The following PTPRK variants were observed in gnomAD, a reference collection of about 807,000 sequenced individuals.
The protein encoded by PTPRK is protein tyrosine phosphatase receptor type K, also known as receptor-type tyrosine-protein phosphatase kappa.
In PTPRK, 75 loss-of-function variants were observed where a neutral mutation model predicts 178.0. That is an observed-to-expected ratio of 0.42 (90% CI 0.35 to 0.51). The LOEUF (loss-of-function observed/expected upper bound fraction) is 0.51. Ranked by LOEUF, PTPRK falls within the 20% of genes least tolerant of loss-of-function variation. The pLI is 0.02. For synonymous variants in PTPRK, 637 were observed against 620.6 expected (o/e 1.03, Z -0.39); for missense variants, 1,441 against 1,797.8 (o/e 0.80, Z 3.59).
chr6:127,988,386 C>T (rs564683847), intron 21 of PTPRK, among the ~76,000 whole-genome samples: 53 of 150,952 alleles, frequency 3.5e-4, no homozygotes, highest in Non-Finnish European at 6.8e-4. Context: ...TCACTGCAAC[C>T]TCTGCTTTCC....
At chr6:128,281,342 A>T (rs1197531954) in intron 3 of PTPRK, among the ~76,000 whole-genome samples, 1 of 152,210 alleles carries the variant, frequency 6.6e-6, no homozygotes, top group Non-Finnish European at 1.5e-5. Context: ...TTATCCAAAA[A>T]TGATCTGTAT....
chr6:128,296,169 G>A (rs954850082), intron 3 of PTPRK, among the ~76,000 whole-genome samples: 6 of 151,956 alleles, frequency 3.9e-5, no homozygotes, highest in Non-Finnish European at 7.4e-5. Flanking sequence ...CTGCCATCTA[G>A]CCACAGTGAC....
intron 22 of PTPRK, among the ~76,000 whole-genome samples, chr6:127,983,764 G>T (rs141395262): frequency 1.0e-3 from 159 of 152,272 alleles, no homozygotes; most frequent in African/African-American, 3.7e-3. Flanking sequence ...TCATCTAGTT[G>T]TGTGTCCTCT....
intron 7 of PTPRK, among the ~76,000 whole-genome samples, chr6:128,118,534 G>C (rs889602196): frequency 2.6e-5 from 4 of 152,140 alleles, no homozygotes; most frequent in African/African-American, 9.7e-5. Context: ...GGAAAGGACT[G>C]TTTTGAGTTT....
rs1243536803 is a variant in PTPRK at position 128,460,631 on chromosome 6, T to C, written c.100+59628A>G. 7.2e-5 allele frequency among the ~76,000 whole-genome samples: 11 copies of C among 152,338 alleles called. No individual in the cohort carries two copies. The East Asian group carries it at 2.1e-3, about 29-fold the overall frequency. On this transcript the variant is annotated intron_variant, in intron 1 of 29. Coordinates refer to ENST00000368226, the MANE Select transcript of PTPRK (RefSeq NM_002844.4). ...GTTGCCAATTTGGGGGTGTTCCTTC[T>C]CTATTAAGTCACTGACACAAGTCAA...
Position 128,008,845 on chromosome 6 carries a change from T to C in PTPRK, c.2333+285A>G, listed in dbSNP as rs190023752. Among the ~76,000 whole-genome samples the C allele has an allele frequency of 1.6e-3, 240 of 151,216 alleles. 1 individual carries two copies. The highest frequency in any genetic ancestry group is 3.2e-3 in the Admixed American group (49 of 15,080). On this transcript the variant is annotated intron_variant, in intron 14 of 29. Coordinates refer to ENST00000368226, the MANE Select transcript of PTPRK (RefSeq NM_002844.4). ...TAATAATAACACTTCAAATATAAGA[T>C]AAATGATCTCAAGTACCTTTGCATT...
At chr6:128,125,843 C>CA (rs1793277517) in intron 7 of PTPRK, among the ~76,000 whole-genome samples, 1 of 152,008 alleles carries the variant, frequency 6.6e-6, no homozygotes, top group African/African-American at 2.4e-5. Flanking sequence ...CCCCTGACCT[C>CA]ATGATCCACC....
chr6:128,167,056 C>CA (rs950002099), intron 7 of PTPRK, among the ~76,000 whole-genome samples: 14 of 150,578 alleles, frequency 9.3e-5, no homozygotes, highest in Non-Finnish European at 1.5e-4. Context: ...ATGATAGAAA[C>CA]AAAAAAAACT....
intron 7 of PTPRK, among the ~76,000 whole-genome samples, chr6:128,182,199 T>C (rs576460544): frequency 1.3e-3 from 196 of 152,214 alleles, no homozygotes; most frequent in African/African-American, 4.6e-3. Flanking sequence ...CCACAAAGAA[T>C]ACACAAATTA....
chr6:128,047,755 A>T (rs1355414722), intron 13 of PTPRK, among the ~76,000 whole-genome samples: 1 of 152,208 alleles, frequency 6.6e-6, no homozygotes, highest in Non-Finnish European at 1.5e-5. Context: ...TAAAATTCCT[A>T]AGGGAAAATA....
At chr6:128,265,086 T>C (rs1443890621) in intron 3 of PTPRK, among the ~76,000 whole-genome samples, 1 of 152,124 alleles carries the variant, frequency 6.6e-6, no homozygotes, top group Non-Finnish European at 1.5e-5. Flanking sequence ...AATACAAGTG[T>C]GTAGAACAGA....
chr6:128,206,386 TA>T (rs1377679172), intron 6 of PTPRK, among the ~76,000 whole-genome samples: 2 of 141,186 alleles, frequency 1.4e-5, no homozygotes, highest in Non-Finnish European at 3.0e-5. Context: ...TACATGCTGC[TA>T]ATAATAAAGG....
intron 2 of PTPRK, among the ~76,000 whole-genome samples, chr6:128,324,662 C>T (rs1233158281): frequency 2.0e-5 from 3 of 152,092 alleles, no homozygotes; most frequent in Admixed American, 6.6e-5. Flanking sequence ...CTGACTACTG[C>T]CACATTCTCC....
At chr6:128,124,350 AT>A (rs1208796401) in intron 7 of PTPRK, among the ~76,000 whole-genome samples, 1 of 152,122 alleles carries the variant, frequency 6.6e-6, no homozygotes, top group Non-Finnish European at 1.5e-5. Context: ...GAGAGGCCCT[AT>A]TCATTAATTC....
intron 1 of PTPRK, among the ~76,000 whole-genome samples, chr6:128,516,206 A>G (rs1857989430): frequency 6.6e-6 from 1 of 152,142 alleles, no homozygotes; most frequent in Non-Finnish European, 1.5e-5. Context: ...GAGGGGGCAG[A>G]GTGGCAGAGG....
chr6:128,362,533 G>T (rs1834919367), intron 2 of PTPRK, among the ~76,000 whole-genome samples: 1 of 152,100 alleles, frequency 6.6e-6, no homozygotes, highest in African/African-American at 2.4e-5. Flanking sequence ...TCAAAACAAG[G>T]ATCTAAATTA....
intron 2 of PTPRK, among the ~76,000 whole-genome samples, chr6:128,368,145 A>G (rs927002538): frequency 6.6e-6 from 1 of 152,258 alleles, no homozygotes; most frequent in South Asian, 2.1e-4. Context: ...TCACTGAAAT[A>G]TAGACATGAA....
At chr6:128,018,031 C>G (rs368637620) in intron 13 of PTPRK, among the ~76,000 whole-genome samples, 1 of 150,938 alleles carries the variant, frequency 6.6e-6, no homozygotes, top group Non-Finnish European at 1.5e-5. Flanking sequence ...CCTTAACTAC[C>G]CTCTCACCTC....
intron 6 of PTPRK, among the ~76,000 whole-genome samples, chr6:128,192,063 T>A (rs1040626610): frequency 6.6e-6 from 1 of 152,208 alleles, no homozygotes; most frequent in East Asian, 1.9e-4. Context: ...GAAATAGATA[T>A]GTGTAAAGTA....
Sources: gnomAD v4.1 joint callset for allele counts (sites outside exome capture counted in the v4.1 genomes callset) on GRCh38, gnomAD v4.1.1 for gene constraint, MANE v1.5 for transcripts, NCBI Gene and HGNC (gene_info 2026-07-23, HGNC 2026-07-21) for gene names.